The following IQCH variants were observed in gnomAD, a reference collection of about 807,000 sequenced individuals.
IQCH encodes IQ domain-containing protein H.
In IQCH, 98 loss-of-function variants were observed where a neutral mutation model predicts 117.0. The ratio of observed to expected loss-of-function variants is 0.84; its 90% CI spans 0.71 to 0.99. The LOEUF (loss-of-function observed/expected upper bound fraction) is 0.99. IQCH is among the 50% of genes least tolerant of loss of function. The pLI, the probability that IQCH is intolerant of heterozygous loss-of-function variation, is 0.00. For missense variants in IQCH, 1,102 were observed against 1,243.8 expected (o/e 0.89, Z 1.72); for synonymous variants, 412 against 448.2 (o/e 0.92, Z 1.02).
At chr15:67,315,687 A>G (rs1475835644) in intron 4 of IQCH, among the ~76,000 whole-genome samples, 3 of 152,138 alleles carry the variant, frequency 2.0e-5, no homozygotes, top group Non-Finnish European at 4.4e-5. Context: ...CTTTCCTGCT[A>G]TGAAATACCA....
In IQCH at chr15:67,417,050, A is replaced by G. The variant is rs757727318; in HGVS notation, c.2217A>G (p.Gln739=). The change falls in exon 15 of 21, where the codon CAA becomes CAG. Residue 739 remains glutamine (Q), a splice_region_variant and synonymous_variant. Transcript: ENST00000335894. The surrounding 1 kb of genome is among the most constrained non-coding windows in gnomAD (Gnocchi z 4.3). ...WRKFLQTFLS[Q]GGVIEAFPPA... ...AATTCCTCCAAACATTTCTCAGTCA[A>G]GGTAAATAAGACTGTAAAGTTTCTA... 1 of 1,604,658 alleles carries G rather than the reference A, an allele frequency of 6.2e-7. No individual in the cohort carries two copies. Among genetic ancestry groups the G allele is most frequent in the Non-Finnish European group, 8.5e-7 (1 of 1,176,148 alleles).
At position 67,425,090 on chromosome 15, in the gene IQCH, C is replaced by G. The variant is rs1042289454; in HGVS notation, c.2505+3513C>G. Among the ~76,000 whole-genome samples, 3 of 152,142 alleles carry G rather than the reference C, an allele frequency of 2.0e-5. No individual in the cohort carries two copies. The highest frequency in any genetic ancestry group is 7.2e-5 in the African/African-American group (3 of 41,430). On this transcript the variant is annotated intron_variant, in intron 16 of 20. Transcript: ENST00000335894. This position sits in a 1 kb window ranked among gnomAD's most constrained non-coding sequence, Gnocchi z 5.5. ...TGATTATTAGTGAAGATCCACACCT[C>G]TTCATATGTTTGTTTGCCCATTTAT... is the stretch of plus-strand genomic sequence containing the variant.
intron 4 of IQCH, among the ~76,000 whole-genome samples, chr15:67,299,559 AATAT>A (rs1391289902): frequency 6.6e-6 from 1 of 152,128 alleles, no homozygotes; most frequent in Non-Finnish European, 1.5e-5. Flanking sequence ...ATACCTCATA[AATAT>A]ATATACCTAC....
At position 67,466,983 on chromosome 15, in the gene IQCH, G is replaced by A. The variant is rs998622655; in HGVS notation, c.2676+1686G>A. ...TCACGCCTGTAATCCCAGCACTTTGGGAGGCCGAGGCGGGCAGATCATTTG... is the reference window on the plus strand; with the variant it reads ...TCACGCCTGTAATCCCAGCACTTTGAGAGGCCGAGGCGGGCAGATCATTTG... On this transcript the variant is annotated intron_variant, in intron 17 of 20. Coordinates refer to ENST00000335894, the MANE Select transcript of IQCH (RefSeq NM_001031715.3). The surrounding 1 kb of genome is among the most constrained non-coding windows in gnomAD (Gnocchi z 4.4). 1.3e-5 allele frequency: 2 copies of A among 152,876 alleles called. No homozygotes were observed. Among genetic ancestry groups the A allele is most frequent in the African/African-American group, 4.8e-5 (2 of 41,468 alleles). The allele number at this position is 152,876 out of a possible 1,614,324, so 9.5% of individuals were successfully genotyped here. A position where few individuals can be genotyped will look rare whatever the true frequency, so the allele number is the denominator to read the frequency against.
At chr15:67,282,362 AAAAC>A (rs1966394518) in intron 4 of IQCH, 1 of 151,952 alleles carries the variant, frequency 6.6e-6, no homozygotes, top group Non-Finnish European at 1.5e-5. Context: ...GGGAAAAAAA[AAAAC>A]AACTATGGCC....
At chr15:67,283,067 A>G (rs998105856) in intron 4 of IQCH, among the ~76,000 whole-genome samples, 3 of 152,234 alleles carry the variant, frequency 2.0e-5, no homozygotes, top group Non-Finnish European at 4.4e-5. Flanking sequence ...GAATTTGCTG[A>G]TAACTGGCGA....
intron 6 of IQCH, among the ~76,000 whole-genome samples, chr15:67,348,967 A>G (rs1052272276): frequency 1.1e-4 from 16 of 152,374 alleles, no homozygotes; most frequent in African/African-American, 2.9e-4. Context: ...TACTTGGTCA[A>G]TTCATTTTTG....
At chr15:67,483,932 T>A (rs1195104664) in intron 18 of IQCH, among the ~76,000 whole-genome samples, 2 of 152,208 alleles carry the variant, frequency 1.3e-5, no homozygotes, top group Non-Finnish European at 2.9e-5. Flanking sequence ...AAAAGTCACA[T>A]AATCTTAGGA....
chr15:67,438,605 A>G (rs1193031183), intron 16 of IQCH, among the ~76,000 whole-genome samples: 1 of 152,248 alleles, frequency 6.6e-6, no homozygotes, highest in Non-Finnish European at 1.5e-5. Flanking sequence ...GCTCCACTTA[A>G]AAGATACAGA....
intron 5 of IQCH, among the ~76,000 whole-genome samples, chr15:67,339,764 T>C (rs1969058795): frequency 1.3e-5 from 2 of 152,204 alleles, no homozygotes; most frequent in South Asian, 4.1e-4. Flanking sequence ...CTCAGTAGGT[T>C]TGGCCTGATA....
intron 4 of IQCH, among the ~76,000 whole-genome samples, chr15:67,314,986 C>T (rs1306921089): frequency 6.6e-6 from 1 of 152,148 alleles, no homozygotes; most frequent in African/African-American, 2.4e-5. Flanking sequence ...TGGCTGGCAA[C>T]TTAGAGCCCA....
At chr15:67,471,088 T>C (rs2083060478) in intron 17 of IQCH, among the ~76,000 whole-genome samples, 1 of 152,182 alleles carries the variant, frequency 6.6e-6, no homozygotes, top group African/African-American at 2.4e-5. Flanking sequence ...GGATGTGCCA[T>C]AATTTATGTA....
At chr15:67,367,729 T>A (rs1411281250) in intron 8 of IQCH, among the ~76,000 whole-genome samples, 1 of 151,426 alleles carries the variant, frequency 6.6e-6, no homozygotes, top group African/African-American at 2.4e-5. Flanking sequence ...GGGGTCAGCA[T>A]GAGGTAGGGT....
At chr15:67,269,514 A>G (rs1319461239) in intron 3 of IQCH, among the ~76,000 whole-genome samples, 2 of 152,224 alleles carry the variant, frequency 1.3e-5, no homozygotes, top group African/African-American at 4.8e-5. Context: ...TCTTCTAGCT[A>G]TTTTGAAATG....
chr15:67,350,938 T>G (rs1969633114), intron 6 of IQCH, among the ~76,000 whole-genome samples: 1 of 152,128 alleles, frequency 6.6e-6, no homozygotes, highest in Admixed American at 6.5e-5. Context: ...AGAAGTGGAA[T>G]TCTAAGGAGA....
At chr15:67,301,143 G>A (rs4776915) in intron 4 of IQCH, among the ~76,000 whole-genome samples, 151,314 of 152,224 alleles carry the variant, frequency 0.99, 75,216 homozygotes, top group Non-Finnish European at 1. Context: ...AATTTCTGAA[G>A]TTATTTCTGA....
rs756359563 is a variant in IQCH at position 67,384,076 on chromosome 15, A to G, written c.1373-860A>G. On this transcript the variant is annotated intron_variant, in intron 10 of 20. Transcript: ENST00000335894. The surrounding 1 kb of genome is among the most constrained non-coding windows in gnomAD (Gnocchi z 4.3). The stretch of plus-strand genomic sequence containing the variant: ...AAATGTGTGTTTGGGCTCACTAACC[A>G]CAAGGAGGCATTGAAGCATCTCTTC... 3.3e-5 allele frequency among the ~76,000 whole-genome samples: 5 copies of G among 152,202 alleles called. No homozygotes were observed. Among genetic ancestry groups the G allele is most frequent in the Non-Finnish European group, 7.3e-5 (5 of 68,028 alleles).
chr15:67,307,233 CTT>C (rs987688152), intron 4 of IQCH: 66 of 750,980 alleles, frequency 8.8e-5, no homozygotes, highest in Non-Finnish European at 1.0e-4. Context: ...AACTTAGAAT[CTT>C]TTATTTATTC....
intron 18 of IQCH, among the ~76,000 whole-genome samples, chr15:67,484,265 G>A (rs2083414169): frequency 1.3e-5 from 2 of 151,952 alleles, no homozygotes; most frequent in South Asian, 4.2e-4. Flanking sequence ...AATTAGCAGG[G>A]CACGGTGGCA....
Sources: gnomAD v4.1 joint callset for allele counts (sites outside exome capture counted in the v4.1 genomes callset) on GRCh38, gnomAD v4.1.1 for gene constraint, Gnocchi (gnomAD v3.1) non-coding constraint, MANE v1.5 for transcripts, NCBI Gene and HGNC (gene_info 2026-07-23, HGNC 2026-07-21) for gene names.